The following AP1AR variants were observed in gnomAD, a reference collection of about 807,000 sequenced individuals.
AP1AR encodes the protein adaptor related protein complex 1 associated regulatory protein.
A neutral mutation model predicts 46.3 loss-of-function variants in AP1AR; 29 were observed. The observed-to-expected ratio is 0.63, with a 90% confidence interval of 0.47 to 0.85. AP1AR has a LOEUF of 0.85. Ranked by LOEUF, AP1AR falls within the 40% of genes least tolerant of loss-of-function variation. The pLI, the probability that AP1AR is intolerant of heterozygous loss-of-function variation, is 0.00. For missense variants in AP1AR, 357 were observed against 356.3 expected (o/e 1.00, Z -0.02); for synonymous variants, 122 against 122.9 (o/e 0.99, Z 0.05).
At chr4:112,258,842 T>A (rs777169595) in intron 4 of AP1AR, among the ~76,000 whole-genome samples, 1 of 152,198 alleles carries the variant, frequency 6.6e-6, no homozygotes, top group African/African-American at 2.4e-5. Context: ...AGAAAAAATT[T>A]TAAAGCCCTA....
intron 7 of AP1AR, 197 bp downstream of exon 7, chr4:112,265,264 T>A: frequency 2.1e-6 from 1 of 466,294 alleles, no homozygotes; most frequent in Non-Finnish European, 3.8e-6. Flanking sequence ...TTAAACTGAC[T>A]TTATTGCATT....
intron 1 of AP1AR, among the ~76,000 whole-genome samples, chr4:112,252,603 TTAAAA>T (rs1726006688): frequency 6.6e-6 from 1 of 152,226 alleles, no homozygotes; most frequent in Non-Finnish European, 1.5e-5. Context: ...GAAAGAATGA[TTAAAA>T]TAAAGTCAAT....
In AP1AR at chr4:112,231,823, A is replaced by T. The variant is rs999349298; in HGVS notation, c.-269A>T. On this transcript the variant is annotated 5_prime_UTR_variant, in exon 1 of 10. The change abolishes an upstream ATG in the 5' untranslated region. Transcript: ENST00000274000. Reference sequence around the variant, plus strand: ...GCTAGGAGCTGAGGCGAGAAGGGCCATGCGGACGGCGAGGGAGTCCAGAGC... The same window carrying T: ...GCTAGGAGCTGAGGCGAGAAGGGCCTTGCGGACGGCGAGGGAGTCCAGAGC... 2 of 349,560 alleles carry T rather than the reference A, an allele frequency of 5.7e-6. No individual in the cohort carries two copies. Among genetic ancestry groups the T allele is most frequent in the Non-Finnish European group, 1.0e-5 (2 of 195,122 alleles). The allele number at this position is 349,560 out of a possible 1,614,324, so 21.7% of individuals were successfully genotyped here. A position where few individuals can be genotyped will look rare whatever the true frequency, so the allele number is the denominator to read the frequency against.
chr4:112,235,333 T>TA (rs1202070670), intron 1 of AP1AR, among the ~76,000 whole-genome samples: 1 of 152,210 alleles, frequency 6.6e-6, no homozygotes, highest in Non-Finnish European at 1.5e-5. Flanking sequence ...TATTACTGTA[T>TA]AATTCCACAT....
intron 1 of AP1AR, among the ~76,000 whole-genome samples, chr4:112,242,469 T>A (rs1273911714): frequency 6.6e-6 from 1 of 152,148 alleles, no homozygotes; most frequent in Non-Finnish European, 1.5e-5. Flanking sequence ...AAAGCTTACT[T>A]GGCTCACAAT....
chr4:112,237,357 C>T (rs1365498352), intron 1 of AP1AR, among the ~76,000 whole-genome samples: 1 of 152,176 alleles, frequency 6.6e-6, no homozygotes, highest in Non-Finnish European at 1.5e-5. Context: ...CCCCCCGTCT[C>T]GGCCTCCTAA....
intron 7 of AP1AR, 147 bp downstream of exon 7, chr4:112,265,214 A>C (rs1726649612): frequency 1.7e-6 from 1 of 578,676 alleles, no homozygotes; most frequent in South Asian, 3.6e-5. Flanking sequence ...TTGTCTTGGA[A>C]GAAAACTGAG....
rs1438099788 is a variant in AP1AR at position 112,253,190 on chromosome 4, T to C, written c.84-18T>C. Reference sequence around the variant, plus strand: ...GAGTTAATTGTGTTTTTTAAAGTTATTCTGTTTTCCTTCCCAGATCCAAGT... The same window carrying C: ...GAGTTAATTGTGTTTTTTAAAGTTACTCTGTTTTCCTTCCCAGATCCAAGT... On this transcript the variant is annotated intron_variant, in intron 1 of 9. Coordinates refer to ENST00000274000, the MANE Select transcript of AP1AR (RefSeq NM_018569.6). The C allele has an allele frequency of 6.6e-5, 106 of 1,601,544 alleles. No individual in the cohort carries two copies. Among genetic ancestry groups the C allele is most frequent in the African/African-American group, 9.4e-5 (7 of 74,408 alleles).
At position 112,270,627 on chromosome 4, in the gene AP1AR, T is replaced by C. The variant is rs961589097; in HGVS notation, c.*2218T>C. On this transcript the variant is annotated 3_prime_UTR_variant, in exon 10 of 10. Transcript: ENST00000274000. ...CAAGTAAAACCTGGTATGAAGCATG[T>C]TATAAGCAAAGGGAACGGCAAGTAC... Among the ~76,000 whole-genome samples, 1 of 152,208 alleles carries C rather than the reference T, an allele frequency of 6.6e-6. No homozygotes were observed. Among genetic ancestry groups the C allele is most frequent in the Non-Finnish European group, 1.5e-5 (1 of 68,030 alleles).
intron 8 of AP1AR, 58 bp from the exon 9 acceptor site, chr4:112,266,530 G>T: frequency 6.6e-7 from 1 of 1,510,688 alleles, no homozygotes; most frequent in Middle Eastern, 2.1e-4. Context: ...AAAATAAAAC[G>T]GCTGTTGCGG....
Position 112,269,093 on chromosome 4 carries a change from G to GATATATATAT in AP1AR, c.*693_*702dup, listed in dbSNP as rs60391724. On this transcript the variant is annotated 3_prime_UTR_variant, in exon 10 of 10. Transcript: ENST00000274000. ...AATAATAAAAAATAATATTTAAGAA[G>GATATATATAT]ATATATATATATATATATTTAGTTT... 681 of 146,124 alleles carry GATATATATAT rather than the reference G, an allele frequency of 4.7e-3. 2 individuals are homozygous for GATATATATAT. The highest frequency in any genetic ancestry group is 6.4e-3 in the Non-Finnish European group (425 of 66,178). 9.1% of individuals were successfully genotyped at this position (146,124 alleles called of 1,614,324 possible). A position where few individuals can be genotyped will look rare whatever the true frequency, so the allele number is the denominator to read the frequency against.
At chr4:112,247,915 G>A (rs1403349429) in intron 1 of AP1AR, among the ~76,000 whole-genome samples, 1 of 152,170 alleles carries the variant, frequency 6.6e-6, no homozygotes. Flanking sequence ...ATATTATGAT[G>A]GGTGGATTAG....
chr4:112,249,192 G>A (rs376612977), intron 1 of AP1AR, among the ~76,000 whole-genome samples: 1 of 152,134 alleles, frequency 6.6e-6, no homozygotes, highest in East Asian at 1.9e-4. Flanking sequence ...TACTCGGGAG[G>A]CTGAGGCAGG....
Position 112,263,091 on chromosome 4 carries a change from G to A in AP1AR, c.381+5G>A, listed in dbSNP as rs1726524621. The A allele has an allele frequency of 6.2e-7, 1 of 1,610,640 alleles. No homozygotes were observed. The highest frequency in any genetic ancestry group is 8.5e-7 in the Non-Finnish European group (1 of 1,177,808). On this transcript the variant is annotated splice_donor_5th_base_variant and intron_variant, in intron 6 of 9. Transcript: ENST00000274000. ...AAGCAGCGAAAGCTCTTGGAGGTGA[G>A]GGGAAAAGACCCCAGCATATATTAG...
intron 6 of AP1AR, among the ~76,000 whole-genome samples, chr4:112,264,510 T>A: frequency 6.6e-6 from 1 of 152,166 alleles, no homozygotes; most frequent in East Asian, 1.9e-4. Flanking sequence ...CAGGGATATA[T>A]AGCTAATAGC....
Position 112,265,779 on chromosome 4 carries a change from G to A in AP1AR, c.486G>A (p.Lys162=). 6.2e-7 allele frequency: 1 copy of A among 1,609,694 alleles called. No individual in the cohort carries two copies. The highest frequency in any genetic ancestry group is 8.5e-7 in the Non-Finnish European group (1 of 1,177,554). The change falls in exon 8 of 10, where the codon AAG becomes AAA. Residue 162 remains lysine, a synonymous_variant. Transcript: ENST00000274000. ...DDFESCLRNM[K]SQYEVFRSSR... ...TCGAATCTTGTTTGAGAAATATGAA[G>A]TCACAGTATGAAGTTTTTCGAAGTA...
At chr4:112,259,318 G>A (rs947483983) in intron 4 of AP1AR, among the ~76,000 whole-genome samples, 2 of 152,156 alleles carry the variant, frequency 1.3e-5, no homozygotes, top group Non-Finnish European at 2.9e-5. Flanking sequence ...CAGTAGTTAA[G>A]AACAAGAGCT....
At chr4:112,240,154 A>G (rs542550175) in intron 1 of AP1AR, among the ~76,000 whole-genome samples, 1 of 152,354 alleles carries the variant, frequency 6.6e-6, no homozygotes, top group Non-Finnish European at 1.5e-5. Context: ...GGAGCTTTCA[A>G]GGCTCTGTGT....
chr4:112,239,845 CTTTG>C (rs946610747), intron 1 of AP1AR, among the ~76,000 whole-genome samples: 7 of 152,232 alleles, frequency 4.6e-5, no homozygotes, highest in African/African-American at 7.2e-5. Context: ...TGGTCAGAGA[CTTTG>C]TTTGTTCCTG....
Sources: allele counts gnomAD v4.1 joint callset (sites outside exome capture counted in the v4.1 genomes callset), GRCh38; gene constraint gnomAD v4.1.1; transcripts MANE v1.5; gene names NCBI Gene and HGNC (gene_info 2026-07-23, HGNC 2026-07-21).